The following DPT variants were observed in gnomAD, a reference collection of about 807,000 sequenced individuals.
DPT encodes the protein dermatopontin, also known as tyrosine-rich acidic matrix protein.
Under a neutral mutation model 31.2 loss-of-function variants are expected in DPT, and 21 were observed. The ratio of observed to expected loss-of-function variants is 0.67; its 90% CI spans 0.48 to 0.97. The LOEUF is 0.97. Among genes scored for constraint, DPT ranks in the 50% least tolerant of loss-of-function variants. DPT has a pLI of 0.00. For synonymous variants in DPT, 91 were observed against 86.9 expected (o/e 1.05, Z -0.26); for missense variants, 262 against 258.8 (o/e 1.01, Z -0.08).
At position 168,696,489 on chromosome 1, in the gene DPT, T is replaced by C. The variant is rs1471013211; in HGVS notation, c.*60A>G. On this transcript the variant is annotated 3_prime_UTR_variant, in exon 4 of 4. Coordinates refer to ENST00000367817, the MANE Select transcript of DPT (RefSeq NM_001937.5). The stretch of plus-strand genomic sequence containing the variant: ...AGGAGATCCAACTGATGTTAACATA[T>C]GTGGACACCCTCCTGTCCCCGGCCC... 3.5e-6 allele frequency: 5 copies of C among 1,431,562 alleles called. No individual in the cohort carries two copies. The highest frequency in any genetic ancestry group is 1.6e-5 in the African/African-American group (1 of 64,166). 88.7% of individuals were successfully genotyped at this position (1,431,562 alleles called of 1,614,324 possible).
In DPT at chr1:168,728,863, C is replaced by T; in HGVS notation, c.305+7G>A. Reference sequence around the variant, plus strand: ...AGCCCCAGTGCAGTGCAGGGACTGGCCCTTACCATTCCATGCCAGCCCTGT... The same window carrying T: ...AGCCCCAGTGCAGTGCAGGGACTGGTCCTTACCATTCCATGCCAGCCCTGT... On this transcript the variant is annotated splice_region_variant and intron_variant, in intron 1 of 3. Coordinates refer to ENST00000367817, the MANE Select transcript of DPT (RefSeq NM_001937.5). 1 of 1,613,828 alleles carries T rather than the reference C, an allele frequency of 6.2e-7. No homozygotes were observed. Among genetic ancestry groups the T allele is most frequent in the Non-Finnish European group, 8.5e-7 (1 of 1,179,780 alleles).
At chr1:168,727,608 G>C (rs1650280254) in intron 1 of DPT, among the ~76,000 whole-genome samples, 2 of 150,624 alleles carry the variant, frequency 1.3e-5, no homozygotes, top group Non-Finnish European at 2.9e-5. Context: ...TGCGAGCATG[G>C]CTCACTGCAG....
intron 2 of DPT, among the ~76,000 whole-genome samples, chr1:168,703,946 C>A (rs1366916217): frequency 6.6e-6 from 1 of 152,184 alleles, no homozygotes; most frequent in African/African-American, 2.4e-5. Flanking sequence ...CACACACACG[C>A]GCACAAAGTG....
At chr1:168,724,369 T>C (rs762646356) in intron 1 of DPT, among the ~76,000 whole-genome samples, 30 of 152,198 alleles carry the variant, frequency 2.0e-4, no homozygotes, top group Admixed American at 6.5e-4. Context: ...CAGGCCTCCT[T>C]GCGGAGGGCC....
chr1:168,719,261 AG>A lies in DPT; in HGVS notation c.306-4916del, dbSNP rs541468969. Among the ~76,000 whole-genome samples the A allele has an allele frequency of 1.1e-4, 17 of 152,152 alleles. 1 individual carries two copies. The South Asian group carries it at 3.5e-3, about 32-fold the overall frequency. On this transcript the variant is annotated intron_variant, in intron 1 of 3. Transcript: ENST00000367817. ...GTTCTCTCCCTGCAGCTCCATGATG[AG>A]GGGGCAAAATAAATATAGCTTTGGG...
intron 2 of DPT, among the ~76,000 whole-genome samples, chr1:168,709,426 T>C (rs186850885): frequency 3.7e-4 from 56 of 152,336 alleles, no homozygotes; most frequent in African/African-American, 1.2e-3. Flanking sequence ...GGAGACCATT[T>C]CCTAATGGCA....
chr1:168,728,432 G>A (rs1650295726), intron 1 of DPT, among the ~76,000 whole-genome samples: 1 of 152,136 alleles, frequency 6.6e-6, no homozygotes, highest in African/African-American at 2.4e-5. Flanking sequence ...ACTACTGTGG[G>A]CCAGTACTTT....
chr1:168,725,670 T>C (rs941599325), intron 1 of DPT, among the ~76,000 whole-genome samples: 1 of 152,134 alleles, frequency 6.6e-6, no homozygotes, highest in Non-Finnish European at 1.5e-5. Flanking sequence ...AGCCGGCACT[T>C]GAAGAGGTGA....
chr1:168,729,103 TCCATAATCG>T lies in DPT; in HGVS notation c.63_71del (p.Asp22_Gly24del). 1 of 1,614,216 alleles carries T rather than the reference TCCATAATCG, an allele frequency of 6.2e-7. No homozygotes were observed. Among genetic ancestry groups the T allele is most frequent in the African/African-American group, 1.3e-5 (1 of 75,064 alleles). ...AGTCATGATACTGCTGGTATGGGTA[TCCATAATCG>T]CCATACTGGCCCCAGGCCATGGTGA... is the stretch of plus-strand genomic sequence containing the variant. On this transcript the variant is annotated inframe_deletion, in exon 1 of 4. Transcript: ENST00000367817.
At chr1:168,721,777 T>C (rs1650121346) in intron 1 of DPT, among the ~76,000 whole-genome samples, 1 of 152,200 alleles carries the variant, frequency 6.6e-6, no homozygotes, top group African/African-American at 2.4e-5. Context: ...ACTGCACCGT[T>C]TACTGCTCAT....
At chr1:168,717,518 TGATGATA>T (rs1196674277) in intron 1 of DPT, among the ~76,000 whole-genome samples, 1 of 152,228 alleles carries the variant, frequency 6.6e-6, no homozygotes. Flanking sequence ...CTGTTCACTC[TGATGATA>T]GTTCCTTTTG....
In DPT at chr1:168,721,676, T is replaced by C. The variant is rs1386075065; in HGVS notation, c.305+7194A>G. ...TCCAAATCATACTAACTTTCCTTCC[T>C]TGTGACATGTTGATATCACCATTAC... On this transcript the variant is annotated intron_variant, in intron 1 of 3. Transcript: ENST00000367817. Among the ~76,000 whole-genome samples the C allele has an allele frequency of 6.6e-5, 10 of 152,344 alleles. No homozygotes were observed. In the East Asian group the frequency reaches 1.9e-3, roughly 29 times the overall value.
rs551413179 is a variant in DPT at position 168,711,842 on chromosome 1, G to A, written c.431+2379C>T. Among the ~76,000 whole-genome samples, 8 of 152,266 alleles carry A rather than the reference G, an allele frequency of 5.3e-5. No homozygotes were observed. The East Asian group carries it at 1.5e-3, about 29-fold the overall frequency. On this transcript the variant is annotated intron_variant, in intron 2 of 3. Transcript: ENST00000367817. ...TATTTAATGCTCATAACAAAAAGTA[G>A]CCTGAAGTCATTCCTTCATCCAAAC...
At chr1:168,696,766 G>T (rs1382009733) in intron 3 of DPT, 151 bp from the exon 4 acceptor site, 5 of 705,120 alleles carry the variant, frequency 7.1e-6, no homozygotes, top group Middle Eastern at 3.5e-4. Flanking sequence ...ACATCTTTAT[G>T]CAGTTTCCCA....
At chr1:168,727,701 G>T (rs1650281811) in intron 1 of DPT, among the ~76,000 whole-genome samples, 1 of 101,860 alleles carries the variant, frequency 9.8e-6, no homozygotes, top group Non-Finnish European at 2.2e-5. Context: ...ACTACACCGG[G>T]CTAATTTTTT....
At chr1:168,712,530 A>C (rs1055797762) in intron 2 of DPT, among the ~76,000 whole-genome samples, 3 of 152,206 alleles carry the variant, frequency 2.0e-5, no homozygotes, top group Admixed American at 1.3e-4. Context: ...AATGCTTTGC[A>C]ACAAAGGGAG....
At chr1:168,728,646 G>A (rs1650303290) in intron 1 of DPT, among the ~76,000 whole-genome samples, 1 of 152,180 alleles carries the variant, frequency 6.6e-6, no homozygotes, top group Non-Finnish European at 1.5e-5. Context: ...CAGAGCCACA[G>A]AGGAGTCTGT....
chr1:168,699,043 A>G (rs948425054), intron 3 of DPT, among the ~76,000 whole-genome samples: 1 of 152,226 alleles, frequency 6.6e-6, no homozygotes, highest in African/African-American at 2.4e-5. Context: ...GGTAATCCAC[A>G]TAACCGAAAA....
rs543998538 is a variant in DPT, at chr1:168,700,956, G to T, written c.539+61C>A. ...ATAAATTCCTGCAGGTAAAATCCTTGCAGGGAGTTAGTCCCAACTCCTTTA... is the reference window on the plus strand; with the variant it reads ...ATAAATTCCTGCAGGTAAAATCCTTTCAGGGAGTTAGTCCCAACTCCTTTA... On this transcript the variant is annotated intron_variant, in intron 3 of 3. Coordinates refer to ENST00000367817, the MANE Select transcript of DPT (RefSeq NM_001937.5). 92 of 1,074,008 alleles carry T rather than the reference G, an allele frequency of 8.6e-5. No homozygotes were observed. In the East Asian group the frequency reaches 2.1e-3, roughly 25 times the overall value. 66.5% of individuals were successfully genotyped at this position (1,074,008 alleles called of 1,614,324 possible). A position where few individuals can be genotyped will look rare whatever the true frequency, so the allele number is the denominator to read the frequency against.
Sources: gnomAD v4.1 joint callset for allele counts (sites outside exome capture counted in the v4.1 genomes callset) on GRCh38, gnomAD v4.1.1 for gene constraint, MANE v1.5 for transcripts, NCBI Gene and HGNC (gene_info 2026-07-23, HGNC 2026-07-21) for gene names.